ITPR1: variants seen among roughly 807,000 people sequenced by gnomAD.
ITPR1 encodes the protein inositol 1,4,5-trisphosphate-gated calcium channel ITPR1.
A neutral mutation model predicts 318.4 loss-of-function variants in ITPR1; 96 were observed. The ratio of observed to expected loss-of-function variants is 0.30; its 90% CI spans 0.26 to 0.36. ITPR1 has a LOEUF of 0.36. Among genes scored for constraint, ITPR1 ranks in the 10% least tolerant of loss-of-function variants. The pLI, the probability that ITPR1 is intolerant of heterozygous loss-of-function variation, is 1.00. For missense variants in ITPR1, 2,440 were observed against 3,460.2 expected (o/e 0.71, Z 7.40); for synonymous variants, 1,312 against 1,289.9 (o/e 1.02, Z -0.37).
chr3:4,597,432 A>G (rs911502949), intron 4 of ITPR1, among the ~76,000 whole-genome samples: 1 of 152,212 alleles, frequency 6.6e-6, no homozygotes. Context: ...ACGTCATTTG[A>G]GCCCCCACGG....
intron 40 of ITPR1, among the ~76,000 whole-genome samples, chr3:4,721,055 C>T (rs2042115660): frequency 6.6e-6 from 1 of 151,024 alleles, no homozygotes. Context: ...CTGGCAACCA[C>T]AGAGCAAACT....
intron 45 of ITPR1, among the ~76,000 whole-genome samples, chr3:4,767,982 C>T (rs941451632): frequency 8.5e-5 from 13 of 152,214 alleles, no homozygotes; most frequent in Non-Finnish European, 1.8e-4. Context: ...TCGAACCCAG[C>T]GTGTCTGGCC....
At chr3:4,725,119 G>A (rs1454497076) in intron 40 of ITPR1, among the ~76,000 whole-genome samples, 2 of 151,960 alleles carry the variant, frequency 1.3e-5, no homozygotes, top group East Asian at 1.9e-4. Flanking sequence ...ACTTTCCCAA[G>A]CCTTGGGCCC....
Position 4,627,749 on chromosome 3 carries a change from T to C in ITPR1, c.164-14T>C. ...CCCTCAATGGCAATTTCTGTTTGTT[T>C]GCTTCACTTCTAGACTGCCTCTTTA... On this transcript the variant is annotated splice_polypyrimidine_tract_variant and intron_variant, in intron 4 of 61. Transcript: ENST00000649015. 6.4e-7 allele frequency: 1 copy of C among 1,562,664 alleles called. No homozygotes were observed. The highest frequency in any genetic ancestry group is 8.8e-7 in the Non-Finnish European group (1 of 1,133,220).
intron 61 of ITPR1, among the ~76,000 whole-genome samples, chr3:4,839,364 C>T (rs990821418): frequency 6.6e-6 from 1 of 151,974 alleles, no homozygotes. Flanking sequence ...GGACAGTATC[C>T]GAGACTTCAG....
chr3:4,493,816 G>A (rs544131685), intron 1 of ITPR1, among the ~76,000 whole-genome samples: 2 of 152,082 alleles, frequency 1.3e-5, no homozygotes, highest in East Asian at 3.9e-4. Flanking sequence ...GGCTTTGGGG[G>A]CTCCCCATTC....
rs565680954 is a variant in ITPR1, at chr3:4,846,390, A to G, written c.*165A>G. On this transcript the variant is annotated 3_prime_UTR_variant, in exon 62 of 62. Coordinates refer to ENST00000649015, the MANE Select transcript of ITPR1 (RefSeq NM_001378452.1). ...TGATTGCTACTCTAAAGGTTTGGAT[A>G]TATGTATTGTAATTAGAATTGTTGG... The G allele has an allele frequency of 3.3e-5, 14 of 421,398 alleles. No homozygotes were observed. In the South Asian group the frequency reaches 7.2e-4, roughly 22 times the overall value. The allele number at this position is 421,398 out of a possible 1,614,324, so 26.1% of individuals were successfully genotyped here.
intron 46 of ITPR1, among the ~76,000 whole-genome samples, chr3:4,773,829 C>T (rs1391424461): frequency 6.6e-6 from 1 of 152,216 alleles, no homozygotes; most frequent in Non-Finnish European, 1.5e-5. Context: ...CTCCCTCCAC[C>T]TCCCACCTGG....
intron 42 of ITPR1, 103 bp downstream of exon 42, chr3:4,727,276 T>C: frequency 2.5e-6 from 2 of 807,582 alleles, no homozygotes; most frequent in Non-Finnish European, 1.9e-6. Flanking sequence ...GTTGTTGATA[T>C]TGTTAAAGCA....
At chr3:4,546,562 C>G (rs1219180800) in intron 4 of ITPR1, among the ~76,000 whole-genome samples, 1 of 152,148 alleles carries the variant, frequency 6.6e-6, no homozygotes, top group Non-Finnish European at 1.5e-5. Flanking sequence ...TCTGACCAGT[C>G]AGTAGCAAAT....
intron 4 of ITPR1, among the ~76,000 whole-genome samples, chr3:4,568,195 T>C (rs955393646): frequency 6.6e-6 from 1 of 152,212 alleles, no homozygotes; most frequent in Non-Finnish European, 1.5e-5. Context: ...GCTAGTGATG[T>C]TGTTGTGGAG....
intron 39 of ITPR1, among the ~76,000 whole-genome samples, chr3:4,713,241 T>TA (rs1363007168): frequency 6.6e-6 from 1 of 152,202 alleles, no homozygotes; most frequent in Non-Finnish European, 1.5e-5. Flanking sequence ...TTGCTCTCCA[T>TA]AAAAAAGGTT....
chr3:4,844,123 A>T (rs1226796611), intron 61 of ITPR1, among the ~76,000 whole-genome samples: 9 of 140,518 alleles, frequency 6.4e-5, no homozygotes, highest in Admixed American at 2.1e-4. Context: ...GCAGACCAAG[A>T]TTTTTTTTTT....
chr3:4,760,805 G>T, intron 44 of ITPR1, among the ~76,000 whole-genome samples: 1 of 152,132 alleles, frequency 6.6e-6, no homozygotes, highest in East Asian at 1.9e-4. Context: ...CTCCTCTCCT[G>T]CCTCCTGCCT....
At chr3:4,546,048 A>G (rs1035676184) in intron 4 of ITPR1, among the ~76,000 whole-genome samples, 5 of 152,284 alleles carry the variant, frequency 3.3e-5, no homozygotes, top group Admixed American at 6.5e-5. Flanking sequence ...AACGGTCACA[A>G]CAAGAACAAC....
At chr3:4,590,626 C>G (rs750293077) in intron 4 of ITPR1, among the ~76,000 whole-genome samples, 1 of 151,744 alleles carries the variant, frequency 6.6e-6, no homozygotes, top group Non-Finnish European at 1.5e-5. Context: ...GTTGCCCAGG[C>G]TGACCTTGAA....
Position 4,621,511 on chromosome 3 carries a change from G to A in ITPR1, c.164-6252G>A, listed in dbSNP as rs183418035. Reference sequence around the variant, plus strand: ...GGATTACAATTCAACACGAGATTTGGTGGGGACACAGATCCAAACCATATC... The same window carrying A: ...GGATTACAATTCAACACGAGATTTGATGGGGACACAGATCCAAACCATATC... On this transcript the variant is annotated intron_variant, in intron 4 of 61. Coordinates refer to ENST00000649015, the MANE Select transcript of ITPR1 (RefSeq NM_001378452.1). 1.2e-4 allele frequency among the ~76,000 whole-genome samples: 18 copies of A among 152,324 alleles called. 1 individual carries two copies. The highest frequency in any genetic ancestry group is 6.2e-4 in the South Asian group (3 of 4,820).
intron 4 of ITPR1, among the ~76,000 whole-genome samples, chr3:4,592,938 A>G (rs1478617855): frequency 1.3e-5 from 2 of 152,094 alleles, no homozygotes; most frequent in African/African-American, 2.4e-5. Context: ...TATTATTGGA[A>G]CACTGCGGGA....
intron 12 of ITPR1, among the ~76,000 whole-genome samples, chr3:4,655,924 A>G (rs1047138172): frequency 6.6e-6 from 1 of 152,130 alleles, no homozygotes; most frequent in African/African-American, 2.4e-5. Flanking sequence ...CACCCCCCTC[A>G]TACTCTTCTT....
Sources: allele counts gnomAD v4.1 joint callset (sites outside exome capture counted in the v4.1 genomes callset), GRCh38; gene constraint gnomAD v4.1.1; transcripts MANE v1.5; gene names NCBI Gene and HGNC (gene_info 2026-07-23, HGNC 2026-07-21).